Variants in CAMTA1 observed in about 807,000 individuals in gnomAD.
The protein encoded by CAMTA1 is calmodulin-binding transcription activator 1.
Under a neutral mutation model 170.9 loss-of-function variants are expected in CAMTA1, and 27 were observed. That is an observed-to-expected ratio of 0.16 (90% confidence interval 0.12 to 0.22). The LOEUF (loss-of-function observed/expected upper bound fraction) is 0.22, where lower values mean the gene tolerates loss of function less well. Ranked by LOEUF, CAMTA1 falls within the 10% of genes least tolerant of loss-of-function variation. CAMTA1 has a pLI of 1.00. For missense variants in CAMTA1, 1,619 were observed against 2,217.2 expected (o/e 0.73, Z 5.42); for synonymous variants, 833 against 891.5 (o/e 0.93, Z 1.17).
intron 4 of CAMTA1, among the ~76,000 whole-genome samples, chr1:7,203,707 G>GTTCTCAT (rs1657127018): frequency 6.7e-6 from 1 of 148,642 alleles, no homozygotes; most frequent in Non-Finnish European, 1.5e-5. Context: ...TACTGTCCCT[G>GTTCTCAT]TTCTCATTTT....
chr1:7,634,404 G>A lies in CAMTA1; in HGVS notation c.511-5996G>A, dbSNP rs1373989534. The stretch of plus-strand genomic sequence containing the variant: ...GGCCAAGGGTGCTGAGCAGGAGGTC[G>A]GGAGGCGAGGTCGGCCATGGGAAGT... On this transcript the variant is annotated intron_variant, in intron 6 of 22. Transcript: ENST00000303635. The surrounding 1 kb of genome is among the most constrained non-coding windows in gnomAD (Gnocchi z 6.2). Among the ~76,000 whole-genome samples the A allele has an allele frequency of 1.3e-5, 2 of 152,092 alleles. No homozygotes were observed. The highest frequency in any genetic ancestry group is 2.1e-4 in the South Asian group (1 of 4,826).
intron 3 of CAMTA1, among the ~76,000 whole-genome samples, chr1:6,985,233 G>T (rs914591562): frequency 4.6e-5 from 7 of 152,192 alleles, no homozygotes; most frequent in Non-Finnish European, 8.8e-5. Context: ...AGCTACGGGG[G>T]CCCCTCAGTA....
chr1:7,678,662 G>A (rs1009290558), intron 11 of CAMTA1, among the ~76,000 whole-genome samples: 10 of 152,194 alleles, frequency 6.6e-5, no homozygotes, highest in African/African-American at 2.2e-4. Context: ...TAGGAGGGAT[G>A]CCTGTCCATA....
At chr1:7,110,189 G>A (rs1394130575) in intron 4 of CAMTA1, among the ~76,000 whole-genome samples, 2 of 152,058 alleles carry the variant, frequency 1.3e-5, no homozygotes, top group Admixed American at 6.5e-5. Flanking sequence ...GTAGCTGCTG[G>A]GGGCATCCTG....
chr1:7,564,281 C>A (rs1052317031), intron 6 of CAMTA1, among the ~76,000 whole-genome samples: 1 of 152,212 alleles, frequency 6.6e-6, no homozygotes, highest in Non-Finnish European at 1.5e-5. Context: ...GAGGAGGAGA[C>A]GCCAACTCAG....
intron 5 of CAMTA1, among the ~76,000 whole-genome samples, chr1:7,412,271 C>G (rs1468839006): frequency 6.6e-6 from 1 of 151,986 alleles, no homozygotes; most frequent in East Asian, 1.9e-4. Context: ...TGGGTATATA[C>G]CCAGTAATGG....
intron 3 of CAMTA1, among the ~76,000 whole-genome samples, chr1:7,058,804 A>G (rs1441872541): frequency 6.6e-6 from 1 of 152,186 alleles, no homozygotes; most frequent in Non-Finnish European, 1.5e-5. Flanking sequence ...GATGAAAAAT[A>G]TTTCTGAGAA....
intron 5 of CAMTA1, among the ~76,000 whole-genome samples, chr1:7,250,082 G>C (rs1010891878): frequency 1.3e-5 from 2 of 152,178 alleles, no homozygotes; most frequent in African/African-American, 4.8e-5. Flanking sequence ...GGGTGTGTCA[G>C]CCTTAATAGA....
chr1:7,755,054 G>A (rs745761431), intron 21 of CAMTA1, among the ~76,000 whole-genome samples: 2 of 152,100 alleles, frequency 1.3e-5, no homozygotes, highest in South Asian at 2.1e-4. Flanking sequence ...GGCCAGGTGC[G>A]GTGGCTCACG....
chr1:7,422,702 C>T (rs60493683), intron 5 of CAMTA1, among the ~76,000 whole-genome samples: 4,016 of 152,222 alleles, frequency 0.026, 183 homozygotes, highest in African/African-American at 0.091. Context: ...AGGCTGTGAA[C>T]GCTGCCTGTC....
rs2096246219 is a variant in CAMTA1 at position 7,685,008 on chromosome 1, A to G, written c.2914+7275A>G. On this transcript the variant is annotated intron_variant, in intron 11 of 22. Transcript: ENST00000303635. The surrounding 1 kb of genome is among the most constrained non-coding windows in gnomAD (Gnocchi z 5.7). The stretch of plus-strand genomic sequence containing the variant: ...CTCCGGGGACTCCGCGGTGTCGGGG[A>G]GTTCACAGGCACCGTCCCGCGGTCA... Among the ~76,000 whole-genome samples the G allele has an allele frequency of 6.6e-6, 1 of 152,134 alleles. No homozygotes were observed. Among genetic ancestry groups the G allele is most frequent in the Non-Finnish European group, 1.5e-5 (1 of 68,026 alleles).
At chr1:7,567,332 CAG>C (rs1186758091) in intron 6 of CAMTA1, among the ~76,000 whole-genome samples, 2 of 152,206 alleles carry the variant, frequency 1.3e-5, no homozygotes, top group Admixed American at 6.5e-5. Flanking sequence ...CCCTGAAGGA[CAG>C]GGGAGGGCCA....
chr1:6,805,947 C>T (rs758280908), intron 1 of CAMTA1, among the ~76,000 whole-genome samples: 11 of 151,724 alleles, frequency 7.3e-5, no homozygotes, highest in Admixed American at 5.3e-4. Flanking sequence ...TATCCAAGGT[C>T]GTGAAGGTTT....
At chr1:7,414,877 C>T (rs957846191) in intron 5 of CAMTA1, among the ~76,000 whole-genome samples, 1 of 152,144 alleles carries the variant, frequency 6.6e-6, no homozygotes, top group African/African-American at 2.4e-5. Flanking sequence ...ATCTTTCCTG[C>T]TTTCTTCTGT....
chr1:7,564,854 TG>T (rs1196793896), intron 6 of CAMTA1, among the ~76,000 whole-genome samples: 3 of 147,878 alleles, frequency 2.0e-5, no homozygotes, highest in Non-Finnish European at 4.5e-5. Flanking sequence ...TTGAGAGGGA[TG>T]AGAACAAAGA....
At chr1:7,589,374 G>A (rs548327840) in intron 6 of CAMTA1, among the ~76,000 whole-genome samples, 3 of 152,352 alleles carry the variant, frequency 2.0e-5, no homozygotes, top group Non-Finnish European at 4.4e-5. Context: ...AGGTGTTGAG[G>A]AGCAGATGTC....
At chr1:7,675,033 T>G (rs1170822383) in intron 10 of CAMTA1, among the ~76,000 whole-genome samples, 1 of 152,128 alleles carries the variant, frequency 6.6e-6, no homozygotes, top group Non-Finnish European at 1.5e-5. Context: ...CAGTAGAATA[T>G]GGTAATAAGG....
chr1:6,890,601 CTA>C (rs1674302066), intron 3 of CAMTA1, among the ~76,000 whole-genome samples: 1 of 151,482 alleles, frequency 6.6e-6, no homozygotes, highest in East Asian at 1.9e-4. Flanking sequence ...AAGTCTCACT[CTA>C]TTGCCCAGGC....
rs1257658481 is a variant in CAMTA1 at position 7,276,291 on chromosome 1, A to ATTTTTTTTTTTTT, written c.438+26666_438+26667insTTTTTTTTTTTTT. 1.6e-4 allele frequency among the ~76,000 whole-genome samples: 8 copies of ATTTTTTTTTTTTT among 51,306 alleles called. 1 individual carries two copies. The highest frequency in any genetic ancestry group is 2.4e-4 in the Non-Finnish European group (8 of 33,130). The allele number at this position is 51,306 out of a possible 152,430, so 33.7% of individuals were successfully genotyped here. The stretch of plus-strand genomic sequence containing the variant: ...CCTACACCTGATCATATATATATAT[A>ATTTTTTTTTTTTT]TATATATATATATTTTTTTTTTTTT... On this transcript the variant is annotated intron_variant, in intron 5 of 22. Coordinates refer to ENST00000303635, the MANE Select transcript of CAMTA1 (RefSeq NM_015215.4).
Sources: allele counts gnomAD v4.1 joint callset (sites outside exome capture counted in the v4.1 genomes callset), GRCh38; gene constraint gnomAD v4.1.1; non-coding constraint Gnocchi (gnomAD v3.1); transcripts MANE v1.5; gene names NCBI Gene and HGNC (gene_info 2026-07-23, HGNC 2026-07-21).